Variants in NPRL3 observed in about 807,000 individuals in gnomAD.
NPRL3 encodes NPR3 like, GATOR1 complex subunit, also known as GATOR1 complex protein NPRL3.
NPRL3 carries 23 observed loss-of-function variants against 57.2 expected under a neutral mutation model. That is an observed-to-expected ratio of 0.40 (90% CI 0.29 to 0.57). NPRL3 has a LOEUF of 0.57. Among genes scored for constraint, NPRL3 ranks in the 20% least tolerant of loss-of-function variants. NPRL3 has a pLI of 0.42. For synonymous variants in NPRL3, 333 were observed against 321.1 expected, an observed-to-expected ratio of 1.04 and a Z score of -0.39; for missense variants, 691 against 767.1, an observed-to-expected ratio of 0.90 and a Z score of 1.17.
intron 9 of NPRL3, among the ~76,000 whole-genome samples, chr16:97,072 T>C (rs967195210): frequency 2.0e-5 from 3 of 152,190 alleles, no homozygotes; most frequent in African/African-American, 7.2e-5. Context: ...TGCCCCCTGG[T>C]GGCCATGCTG....
chr16:121,141 G>C (rs181169960), intron 3 of NPRL3, among the ~76,000 whole-genome samples: 1 of 152,282 alleles, frequency 6.6e-6, no homozygotes, highest in Non-Finnish European at 1.5e-5. Flanking sequence ...CACCAGTCCA[G>C]GGACCAAATT....
intron 2 of NPRL3, among the ~76,000 whole-genome samples, chr16:134,691 ATTATTTTTTTT>A (rs1201207685): frequency 2.8e-5 from 3 of 108,496 alleles, no homozygotes; most frequent in African/African-American, 9.6e-5. Context: ...AGTAATTATT[ATTATTTTTTTT>A]TTTTTTTTTT....
intron 7 of NPRL3, among the ~76,000 whole-genome samples, chr16:105,185 A>G (rs1345246990): frequency 6.6e-6 from 1 of 152,174 alleles, no homozygotes; most frequent in East Asian, 1.9e-4. Flanking sequence ...GCATCCTGAC[A>G]ATGACTATGC....
Position 119,177 on chromosome 16 carries a change from A to G in NPRL3, c.267T>C (p.Asp89=). 1 of 1,613,246 alleles carries G rather than the reference A, an allele frequency of 6.2e-7. No homozygotes were observed. The highest frequency in any genetic ancestry group is 8.5e-7 in the Non-Finnish European group (1 of 1,179,588). ...TTGGGTGCCCAACAAATCGCACATT[A>G]TCAATCTTCAGTTCAAATTTTTGGC... ...MCGQKFELKI[D]NVRFVGHPTL... is the part of the protein sequence containing the mutation. Residue 89 remains aspartate (D), a synonymous_variant, in exon 4 of 14, where the codon GAT becomes GAC. Coordinates refer to ENST00000611875, the MANE Select transcript of NPRL3 (RefSeq NM_001077350.3).
chr16:130,936 G>A (rs1188664825), intron 2 of NPRL3, among the ~76,000 whole-genome samples: 2 of 152,238 alleles, frequency 1.3e-5, no homozygotes, highest in African/African-American at 4.8e-5. Context: ...TGCTGAAAAA[G>A]CTTTAGAAAC....
rs200792895 is a variant in NPRL3 at position 89,796 on chromosome 16, G to T, written c.1268C>A (p.Pro423Gln). The T allele has an allele frequency of 1.4e-5, 22 of 1,599,042 alleles. 1 individual carries two copies. In the South Asian group the frequency reaches 2.5e-4, roughly 18 times the overall value. Reference sequence around the variant, plus strand: ...AGTGAAGGGGACGTCGTCCTCTCGCGGACGGGGCTCCTCCTCGCTGGGTGA... The same window carrying T: ...AGTGAAGGGGACGTCGTCCTCTCGCTGACGGGGCTCCTCCTCGCTGGGTGA... ...MASPSEEEPR[P>Q]REDDVPFTAR... The change falls in exon 12 of 14, where the codon CCG becomes CAG. Residue 423 changes from proline to glutamine, a missense_variant. Pro to Gln is a moderately conservative substitution (Grantham distance 76, BLOSUM62 -1). Transcript: ENST00000611875.
chr16:112,924 G>T, intron 5 of NPRL3, 149 bp from the exon 6 acceptor site: 1 of 708,676 alleles, frequency 1.4e-6, no homozygotes, highest in Non-Finnish European at 2.1e-6. Flanking sequence ...CCTTTGCAGA[G>T]GCCACTGCTG....
chr16:112,238 G>A (rs1899846261), intron 6 of NPRL3, among the ~76,000 whole-genome samples: 1 of 152,198 alleles, frequency 6.6e-6, no homozygotes, highest in Non-Finnish European at 1.5e-5. Context: ...AACATTTCTG[G>A]TCGGGAAATC....
At chr16:134,858 C>T (rs995322125) in intron 2 of NPRL3, among the ~76,000 whole-genome samples, 12 of 151,070 alleles carry the variant, frequency 7.9e-5, no homozygotes, top group Non-Finnish European at 1.5e-4. Flanking sequence ...CCCGCTACCA[C>T]GCCCGGCTAA....
At chr16:101,531 C>T (rs1262319166) in intron 7 of NPRL3, among the ~76,000 whole-genome samples, 1 of 152,254 alleles carries the variant, frequency 6.6e-6, no homozygotes, top group Admixed American at 6.5e-5. Context: ...GCAACACCAT[C>T]CCAGTTTCCT....
chr16:125,096 A>G, intron 3 of NPRL3: 1 of 164,082 alleles, frequency 6.1e-6, no homozygotes, highest in East Asian at 1.9e-4. Flanking sequence ...AAAAAAAAAA[A>G]ACCTTTATTT....
At chr16:121,298 C>T (rs536833249) in intron 3 of NPRL3, among the ~76,000 whole-genome samples, 4 of 152,252 alleles carry the variant, frequency 2.6e-5, no homozygotes, top group South Asian at 2.1e-4. Context: ...TCTGCAGAGA[C>T]GGCCAACTGG....
At chr16:108,215 C>T (rs748507653) in intron 7 of NPRL3, among the ~76,000 whole-genome samples, 2 of 152,166 alleles carry the variant, frequency 1.3e-5, no homozygotes, top group Admixed American at 6.5e-5. Context: ...TTATATCTCC[C>T]GATAGAAGAA....
chr16:118,695 A>C (rs1567142466), intron 4 of NPRL3, among the ~76,000 whole-genome samples: 1 of 152,226 alleles, frequency 6.6e-6, no homozygotes, highest in Non-Finnish European at 1.5e-5. Context: ...GTTCATACCA[A>C]GTGTCTAATC....
At chr16:106,987 G>C (rs896255068) in intron 7 of NPRL3, among the ~76,000 whole-genome samples, 1 of 152,166 alleles carries the variant, frequency 6.6e-6, no homozygotes, top group African/African-American at 2.4e-5. Flanking sequence ...GGTACAGGGA[G>C]GGTACTACTG....
At chr16:135,174 A>T (rs554018772) in intron 2 of NPRL3, among the ~76,000 whole-genome samples, 16 of 152,324 alleles carry the variant, frequency 1.1e-4, no homozygotes, top group African/African-American at 3.1e-4. Flanking sequence ...AGCCATATGG[A>T]AAAGAAAATT....
intron 7 of NPRL3, among the ~76,000 whole-genome samples, chr16:102,243 C>A (rs1036683437): frequency 6.6e-6 from 1 of 152,212 alleles, no homozygotes; most frequent in African/African-American, 2.4e-5. Context: ...CCACCGCTCA[C>A]CACAAAGCGC....
chr16:103,662 G>A (rs1596512901), intron 7 of NPRL3, among the ~76,000 whole-genome samples: 1 of 152,126 alleles, frequency 6.6e-6, no homozygotes, highest in African/African-American at 2.4e-5. Flanking sequence ...GCACGCTGGG[G>A]GCTTCACTCA....
chr16:135,612 A>AAAAAAAAAAAAAAAAAAAAAC, intron 2 of NPRL3, among the ~76,000 whole-genome samples: 1 of 150,886 alleles, frequency 6.6e-6, no homozygotes, highest in Non-Finnish European at 1.5e-5. Context: ...CTGTCTCAAA[A>AAAAAAAAAAAAAAAAAAAAAC]AAAAAAAAAA....
Sources: gnomAD v4.1 joint callset for allele counts (sites outside exome capture counted in the v4.1 genomes callset) on GRCh38, gnomAD v4.1.1 for gene constraint, MANE v1.5 for transcripts, NCBI Gene and HGNC (gene_info 2026-07-23, HGNC 2026-07-21) for gene names.